Variants in KCNMA1 observed in about 807,000 individuals in gnomAD.
The protein encoded by KCNMA1 is Calcium-activated potassium channel subunit alpha-1.
A neutral mutation model predicts 140.0 loss-of-function variants in KCNMA1; 29 were observed. That is an observed-to-expected ratio of 0.21 (90% CI 0.15 to 0.28). KCNMA1 has a LOEUF of 0.28. KCNMA1 is among the 10% of genes least tolerant of loss of function. The probability of loss-of-function intolerance (pLI) is 1.00; values close to 1 mark genes in which losing one functional copy is unlikely to be tolerated. For missense variants in KCNMA1, 880 were observed against 1,602.2 expected (o/e 0.55, Z 7.70); for synonymous variants, 612 against 611.9 (o/e 1.00, Z 0.00).
At chr10:77,004,057 T>G (rs918332569) in intron 18 of KCNMA1, among the ~76,000 whole-genome samples, 1 of 152,140 alleles carries the variant, frequency 6.6e-6, no homozygotes, top group Non-Finnish European at 1.5e-5. Flanking sequence ...AAAAACCATG[T>G]GCTATAAGAA....
chr10:77,349,999 A>T (rs1033419617), intron 2 of KCNMA1, among the ~76,000 whole-genome samples: 4 of 152,116 alleles, frequency 2.6e-5, no homozygotes, highest in African/African-American at 9.7e-5. Flanking sequence ...CCCAGGCTCA[A>T]GCGATTCTCC....
chr10:77,436,199 C>T (rs1192734541), intron 1 of KCNMA1, among the ~76,000 whole-genome samples: 1 of 152,234 alleles, frequency 6.6e-6, no homozygotes, highest in Non-Finnish European at 1.5e-5. Context: ...CAAAGCTGGC[C>T]TTCACAGGCC....
chr10:76,903,514 G>T (rs894118250), intron 25 of KCNMA1: 3 of 151,906 alleles, frequency 2.0e-5, no homozygotes, highest in African/African-American at 7.3e-5. Flanking sequence ...TGACAGCAGT[G>T]GTCTGTCCTG....
At chr10:77,127,071 AACACACACACACACACACACACAC>A (rs60249347) in intron 5 of KCNMA1, among the ~76,000 whole-genome samples, 1,564 of 146,454 alleles carry the variant, frequency 0.011, 22 homozygotes, top group African/African-American at 0.029. Flanking sequence ...CACACACACA[AACACACACACACACACACACACAC>A]ACACACACAC....
In KCNMA1 at chr10:77,307,697, C is replaced by G. The variant is rs189498287; in HGVS notation, c.541-56441G>C. Reference sequence around the variant, plus strand: ...AAGTAGCTGGGACTACAGGCGCGCACCACCACGCCCAGCTAATTTTTTTGT... The same window carrying G: ...AAGTAGCTGGGACTACAGGCGCGCAGCACCACGCCCAGCTAATTTTTTTGT... On this transcript the variant is annotated intron_variant, in intron 2 of 27. Coordinates refer to ENST00000286628, the MANE Select transcript of KCNMA1 (RefSeq NM_001161352.2). Among the ~76,000 whole-genome samples the G allele has an allele frequency of 4.1e-3, 621 of 152,258 alleles. 7 individuals are homozygous for G. Among genetic ancestry groups the G allele is most frequent in the African/African-American group, 0.014 (600 of 41,546 alleles).
chr10:77,001,298 G>T, intron 19 of KCNMA1, 109 bp downstream of exon 19: 1 of 1,003,316 alleles, frequency 1.0e-6, no homozygotes. Flanking sequence ...TTCACACTGG[G>T]AAGAAGACAT....
At chr10:77,015,612 T>G (rs2091871070) in intron 17 of KCNMA1, among the ~76,000 whole-genome samples, 1 of 152,162 alleles carries the variant, frequency 6.6e-6, no homozygotes, top group African/African-American at 2.4e-5. Context: ...GATATCACTG[T>G]GTGTATGTTT....
intron 1 of KCNMA1, among the ~76,000 whole-genome samples, chr10:77,585,547 T>C (rs1356687108): frequency 2.0e-5 from 3 of 152,230 alleles, no homozygotes; most frequent in Non-Finnish European, 4.4e-5. Flanking sequence ...CAAGAAATGT[T>C]TGTAACCCTT....
intron 1 of KCNMA1, among the ~76,000 whole-genome samples, chr10:77,571,397 C>T (rs934318461): frequency 1.3e-5 from 2 of 152,180 alleles, no homozygotes; most frequent in Admixed American, 6.5e-5. Flanking sequence ...TGACCAACCC[C>T]AAACTACCTC....
intron 20 of KCNMA1, among the ~76,000 whole-genome samples, chr10:76,954,635 C>G (rs1227029063): frequency 6.6e-6 from 1 of 152,216 alleles, no homozygotes; most frequent in East Asian, 1.9e-4. Flanking sequence ...CTTGCCTTGA[C>G]AACTGTATAT....
intron 1 of KCNMA1, among the ~76,000 whole-genome samples, chr10:77,539,866 G>A (rs558393102): frequency 2.1e-4 from 32 of 152,168 alleles, no homozygotes; most frequent in African/African-American, 6.5e-4. Flanking sequence ...GCTACCTGAT[G>A]GTACATCTAA....
chr10:76,956,471 G>A (rs1267915032), intron 20 of KCNMA1, among the ~76,000 whole-genome samples: 2 of 152,082 alleles, frequency 1.3e-5, no homozygotes, highest in African/African-American at 4.8e-5. Flanking sequence ...AGACTGACCT[G>A]AGGAACATCA....
At chr10:77,375,676 T>G (rs1425868718) in intron 2 of KCNMA1, among the ~76,000 whole-genome samples, 1 of 152,236 alleles carries the variant, frequency 6.6e-6, no homozygotes, top group Non-Finnish European at 1.5e-5. Context: ...CAAGAAGGAC[T>G]TGCTGCTCAG....
intron 27 of KCNMA1, chr10:76,887,736 T>A (rs1589561462): frequency 1.7e-6 from 1 of 581,682 alleles, no homozygotes; most frequent in African/African-American, 1.9e-5. Flanking sequence ...CAGGCAGAGA[T>A]GTGGAATTAG....
chr10:76,897,820 TG>T (rs2043240883), intron 25 of KCNMA1, among the ~76,000 whole-genome samples: 1 of 151,956 alleles, frequency 6.6e-6, no homozygotes, highest in Non-Finnish European at 1.5e-5. Context: ...GTTAGAAAAA[TG>T]AGATGAGATA....
intron 5 of KCNMA1, among the ~76,000 whole-genome samples, chr10:77,177,354 C>T (rs1472687954): frequency 6.7e-6 from 1 of 148,694 alleles, no homozygotes; most frequent in Non-Finnish European, 1.5e-5. Flanking sequence ...TCCTTCCTTT[C>T]CTTCCTTGCT....
intron 19 of KCNMA1, among the ~76,000 whole-genome samples, chr10:77,000,857 A>AATAAATATATAT (rs2086038704): frequency 2.7e-5 from 1 of 36,662 alleles, no homozygotes; most frequent in Non-Finnish European, 5.6e-5. Flanking sequence ...GTAAAAAGAA[A>AATAAATATATAT]ATATATATAT....
intron 1 of KCNMA1, among the ~76,000 whole-genome samples, chr10:77,622,462 C>A (rs1452519689): frequency 6.6e-6 from 1 of 152,240 alleles, no homozygotes; most frequent in Non-Finnish European, 1.5e-5. Context: ...TGACCCTGAG[C>A]AGTTACTCAA....
chr10:77,617,784 T>G (rs1260681158), intron 1 of KCNMA1, among the ~76,000 whole-genome samples: 1 of 152,212 alleles, frequency 6.6e-6, no homozygotes, highest in Non-Finnish European at 1.5e-5. Context: ...CTTGACACCA[T>G]GTCTGACACC....
Sources: gnomAD v4.1 joint callset for allele counts (sites outside exome capture counted in the v4.1 genomes callset) on GRCh38, gnomAD v4.1.1 for gene constraint, MANE v1.5 for transcripts, NCBI Gene and HGNC (gene_info 2026-07-23, HGNC 2026-07-21) for gene names.